The following RFX3 variants were observed in gnomAD, a reference collection of about 807,000 sequenced individuals.
RFX3 encodes regulatory factor X3.
A neutral mutation model predicts 98.6 loss-of-function variants in RFX3; 14 were observed. The ratio of observed to expected loss-of-function variants is 0.14; its 90% CI spans 0.09 to 0.22. The LOEUF is 0.22. Ranked by LOEUF, RFX3 falls within the 10% of genes least tolerant of loss-of-function variation. RFX3 has a pLI of 1.00. For synonymous variants in RFX3, 383 were observed against 328.4 expected (o/e 1.17, Z -1.80); for missense variants, 639 against 926.9 (o/e 0.69, Z 4.03).
At chr9:3,258,513 G>A (rs1217058199) in intron 13 of RFX3, among the ~76,000 whole-genome samples, 1 of 151,908 alleles carries the variant, frequency 6.6e-6, no homozygotes. Flanking sequence ...TATTTTCCCA[G>A]GGAAACCTAC....
chr9:3,431,264 C>T (rs1295719442), intron 1 of RFX3, among the ~76,000 whole-genome samples: 1 of 152,098 alleles, frequency 6.6e-6, no homozygotes, highest in Non-Finnish European at 1.5e-5. Flanking sequence ...ATGCTATAAA[C>T]CTGGAATAAC....
At position 3,434,909 on chromosome 9, in the gene RFX3, T is replaced by C. The variant is rs145921799; in HGVS notation, c.-8-39313A>G. Among the ~76,000 whole-genome samples the C allele has an allele frequency of 2.4e-3, 367 of 152,194 alleles. 1 individual carries two copies. Among genetic ancestry groups the C allele is most frequent in the African/African-American group, 8.6e-3 (359 of 41,522 alleles). Reference sequence around the variant, plus strand: ...TATTATACACCTAGGCTATATGCTATAGCCTATTGCTCCTAGGCTACAAAC... The same window carrying C: ...TATTATACACCTAGGCTATATGCTACAGCCTATTGCTCCTAGGCTACAAAC... On this transcript the variant is annotated intron_variant, in intron 1 of 16. Transcript: ENST00000617270.
intron 13 of RFX3, among the ~76,000 whole-genome samples, chr9:3,257,577 C>G (rs996794806): frequency 1.3e-5 from 2 of 152,292 alleles, no homozygotes; most frequent in Non-Finnish European, 1.5e-5. Context: ...CAGAAGTTGT[C>G]TTTTTGTTCC....
intron 4 of RFX3, among the ~76,000 whole-genome samples, chr9:3,325,519 T>C (rs1292724092): frequency 2.0e-5 from 3 of 152,138 alleles, no homozygotes; most frequent in African/African-American, 4.8e-5. Flanking sequence ...TTTAAATGTA[T>C]ATACATAAAG....
intron 1 of RFX3, among the ~76,000 whole-genome samples, chr9:3,517,694 C>T (rs1432952994): frequency 1.3e-5 from 2 of 152,154 alleles, no homozygotes; most frequent in African/African-American, 4.8e-5. Flanking sequence ...CAGATTTAAC[C>T]CTAAGGTACT....
At chr9:3,493,701 ATAT>A (rs1351460033) in intron 1 of RFX3, among the ~76,000 whole-genome samples, 1,115 of 89,560 alleles carry the variant, frequency 0.012, 18 homozygotes, top group African/African-American at 0.04. Flanking sequence ...AAAAAAAAAA[ATAT>A]ATATATATAT....
At chr9:3,380,988 A>T (rs1839132465) in intron 2 of RFX3, among the ~76,000 whole-genome samples, 1 of 151,226 alleles carries the variant, frequency 6.6e-6, no homozygotes, top group Non-Finnish European at 1.5e-5. Flanking sequence ...TTATTTTTAT[A>T]TCTAATCTAG....
intron 1 of RFX3, among the ~76,000 whole-genome samples, chr9:3,501,554 C>CT (rs1051300818): frequency 0.041 from 5,025 of 122,572 alleles, 285 homozygotes; most frequent in African/African-American, 0.11. Context: ...TTTTTTCCTT[C>CT]TTTTTTTTTT....
intron 2 of RFX3, among the ~76,000 whole-genome samples, chr9:3,389,514 T>A (rs1840066422): frequency 6.6e-6 from 1 of 152,126 alleles, no homozygotes; most frequent in African/African-American, 2.4e-5. Context: ...CTCTATGATG[T>A]TTTGTGAGAT....
At chr9:3,310,705 A>G (rs1382957963) in intron 4 of RFX3, among the ~76,000 whole-genome samples, 1 of 152,198 alleles carries the variant, frequency 6.6e-6, no homozygotes, top group Non-Finnish European at 1.5e-5. Flanking sequence ...TGTGGGATTG[A>G]TGGATTTTCT....
intron 1 of RFX3, among the ~76,000 whole-genome samples, chr9:3,525,345 AAG>A (rs1819158848): frequency 1.3e-5 from 2 of 152,208 alleles, no homozygotes; most frequent in South Asian, 2.1e-4. Flanking sequence ...AAATTAAAGA[AAG>A]AACAAATTCT....
At chr9:3,505,385 A>T in intron 1 of RFX3, among the ~76,000 whole-genome samples, 1 of 79,434 alleles carries the variant, frequency 1.3e-5, no homozygotes, top group Non-Finnish European at 2.7e-5. Context: ...TTTTATATTT[A>T]TATAATATAA....
chr9:3,262,633 C>G (rs948823275), intron 13 of RFX3, among the ~76,000 whole-genome samples: 1 of 152,196 alleles, frequency 6.6e-6, no homozygotes, highest in Non-Finnish European at 1.5e-5. Context: ...GTATATGAGA[C>G]AGCTTAATTT....
chr9:3,460,154 A>G (rs149605654), intron 1 of RFX3, among the ~76,000 whole-genome samples: 2 of 152,054 alleles, frequency 1.3e-5, no homozygotes, highest in African/African-American at 4.8e-5. Flanking sequence ...TGAATACACA[A>G]ATTCATCAGC....
intron 3 of RFX3, among the ~76,000 whole-genome samples, chr9:3,341,522 T>A (rs1587181713): frequency 6.6e-6 from 1 of 152,168 alleles, no homozygotes; most frequent in Non-Finnish European, 1.5e-5. Flanking sequence ...GAAAAGCATG[T>A]GGTCAGCAGT....
rs1445755768 is a variant in RFX3, at chr9:3,504,870, TTA to T, written c.-9+20875_-9+20876del. 1.1e-3 allele frequency among the ~76,000 whole-genome samples: 85 copies of T among 76,142 alleles called. 1 individual carries two copies. In the East Asian group the frequency reaches 0.015, roughly 14 times the overall value. 50.0% of individuals were successfully genotyped at this position (76,142 alleles called of 152,430 possible). On this transcript the variant is annotated intron_variant, in intron 1 of 16. Coordinates refer to ENST00000617270, the MANE Select transcript of RFX3 (RefSeq NM_001282116.2). ...TATATTATATATGATATAATATATA[TTA>T]TATATATTATATATAATATAACATA...
chr9:3,405,133 G>A (rs1179273217), intron 1 of RFX3, among the ~76,000 whole-genome samples: 3 of 151,626 alleles, frequency 2.0e-5, no homozygotes, highest in East Asian at 1.9e-4. Flanking sequence ...CATTTTTTCC[G>A]GTTTTCTTCC....
intron 1 of RFX3, among the ~76,000 whole-genome samples, chr9:3,518,674 T>G (rs900977522): frequency 1.3e-5 from 2 of 152,160 alleles, no homozygotes; most frequent in African/African-American, 2.4e-5. Context: ...AATTACTGAA[T>G]AGCAACTTTA....
At chr9:3,300,866 C>T (rs796424801) in intron 5 of RFX3, among the ~76,000 whole-genome samples, 1 of 151,882 alleles carries the variant, frequency 6.6e-6, no homozygotes, top group South Asian at 2.1e-4. Context: ...AAACTATCAT[C>T]ACCCTTCTTA....
Sources: gnomAD v4.1 joint callset for allele counts (sites outside exome capture counted in the v4.1 genomes callset) on GRCh38, gnomAD v4.1.1 for gene constraint, MANE v1.5 for transcripts, NCBI Gene and HGNC (gene_info 2026-07-23, HGNC 2026-07-21) for gene names.